The following NBAS variants were observed in gnomAD, a reference collection of about 807,000 sequenced individuals.
NBAS encodes the protein NAG/BC035112 fusion.
A neutral mutation model predicts 302.5 loss-of-function variants in NBAS; 219 were observed. The observed-to-expected ratio is 0.72, with a 90% CI of 0.65 to 0.81. NBAS has a LOEUF of 0.81. NBAS is among the 30% of genes least tolerant of loss of function. NBAS has a pLI of 0.00. For synonymous variants in NBAS, 1,118 were observed against 1,021.6 expected, an observed-to-expected ratio of 1.09 and a Z score of -1.80; for missense variants, 2,932 against 2,841.6, an observed-to-expected ratio of 1.03 and a Z score of -0.72.
At chr2:15,345,621 C>T (rs1468448315) in intron 35 of NBAS, among the ~76,000 whole-genome samples, 1 of 152,134 alleles carries the variant, frequency 6.6e-6, no homozygotes, top group African/African-American at 2.4e-5. Context: ...CATCAAACTA[C>T]CACTGACATT....
intron 27 of NBAS, among the ~76,000 whole-genome samples, 168 bp from the exon 28 acceptor site, chr2:15,394,517 C>A (rs572396385): frequency 5.9e-5 from 9 of 151,918 alleles, no homozygotes; most frequent in African/African-American, 2.2e-4. Context: ...GAAAAAAAAT[C>A]GAATAATTAA....
chr2:14,959,900 T>C, the NBAS span, among the ~76,000 whole-genome samples: 2 of 152,236 alleles, frequency 1.3e-5, no homozygotes, highest in Non-Finnish European at 2.9e-5. Context: ...GGAATTTCTA[T>C]CATTTCCTTT....
intron 12 of NBAS, among the ~76,000 whole-genome samples, chr2:15,478,759 A>T (rs1680300456): frequency 6.6e-6 from 1 of 151,420 alleles, no homozygotes; most frequent in African/African-American, 2.4e-5. Flanking sequence ...TTTACCAGGT[A>T]AAAAAAATAT....
chr2:14,978,156 C>A, the NBAS span, among the ~76,000 whole-genome samples: 2 of 152,150 alleles, frequency 1.3e-5, no homozygotes, highest in African/African-American at 4.8e-5. Flanking sequence ...TCCACGTATT[C>A]CTTTAATGCT....
chr2:15,128,742 A>G, the NBAS span, among the ~76,000 whole-genome samples: 1,244 of 152,304 alleles, frequency 8.2e-3, 12 homozygotes, highest in African/African-American at 0.029. Context: ...CTGGGGACAC[A>G]TTGGAGAGGA....
chr2:14,859,658 G>C, the NBAS span, among the ~76,000 whole-genome samples: 1 of 152,016 alleles, frequency 6.6e-6, no homozygotes, highest in East Asian at 1.9e-4. Context: ...CTAGCCTCCT[G>C]TCTCTCACAA....
At chr2:15,031,920 T>C in the NBAS span, among the ~76,000 whole-genome samples, 1 of 152,162 alleles carries the variant, frequency 6.6e-6, no homozygotes, top group Non-Finnish European at 1.5e-5. Flanking sequence ...GCTGGAAGAA[T>C]GTAGAAGTGT....
chr2:15,327,668 CTCTTGT>C, intron 38 of NBAS, 76 bp downstream of exon 38: 1 of 1,551,502 alleles, frequency 6.4e-7, no homozygotes, highest in East Asian at 2.3e-5. Context: ...CTTTTCCAAA[CTCTTGT>C]TCATTCACAA....
At chr2:15,061,559 TCACAGGG>T in the NBAS span, among the ~76,000 whole-genome samples, 1 of 152,294 alleles carries the variant, frequency 6.6e-6, no homozygotes, top group East Asian at 1.9e-4. Flanking sequence ...GTCATCAAGG[TCACAGGG>T]CACATACATG....
chr2:14,891,339 T>G, the NBAS span, among the ~76,000 whole-genome samples: 2 of 152,162 alleles, frequency 1.3e-5, no homozygotes, highest in African/African-American at 4.8e-5. Flanking sequence ...ATGTTTGATT[T>G]TTTTTTTGCT....
At chr2:15,091,932 A>G in the NBAS span, among the ~76,000 whole-genome samples, 1 of 152,334 alleles carries the variant, frequency 6.6e-6, no homozygotes, top group Non-Finnish European at 1.5e-5. Context: ...GTGTTAAAAG[A>G]CTGCTTATGT....
the NBAS span, among the ~76,000 whole-genome samples, chr2:15,067,993 G>C: frequency 6.6e-6 from 1 of 152,206 alleles, no homozygotes; most frequent in Non-Finnish European, 1.5e-5. Context: ...AGTGTGCTTA[G>C]CCTCTAAGTT....
the NBAS span, among the ~76,000 whole-genome samples, chr2:14,883,315 G>A: frequency 2.8e-4 from 43 of 152,246 alleles, 1 homozygote; most frequent in Middle Eastern, 3.4e-3. Flanking sequence ...GTAAGTGTAT[G>A]CCCTTTAGTA....
the NBAS span, among the ~76,000 whole-genome samples, chr2:14,866,591 T>G: frequency 6.6e-6 from 1 of 152,164 alleles, no homozygotes; most frequent in Non-Finnish European, 1.5e-5. Context: ...TGACATGGAA[T>G]GAGTATGAGT....
the NBAS span, among the ~76,000 whole-genome samples, chr2:15,077,927 C>T: frequency 6.6e-6 from 1 of 152,010 alleles, no homozygotes; most frequent in Non-Finnish European, 1.5e-5. Flanking sequence ...TGTGATCTGC[C>T]CGCCTCAGCC....
the NBAS span, among the ~76,000 whole-genome samples, chr2:14,800,509 G>A: frequency 1.3e-5 from 2 of 152,192 alleles, no homozygotes; most frequent in Non-Finnish European, 2.9e-5. Flanking sequence ...CAGTGTGAAA[G>A]TGGACTAATA....
chr2:15,221,459 C>T (rs570322555), intron 47 of NBAS, among the ~76,000 whole-genome samples: 2 of 152,206 alleles, frequency 1.3e-5, no homozygotes, highest in Admixed American at 1.3e-4. Context: ...CATCAAAGCA[C>T]TATAGTTTGT....
intron 16 of NBAS, among the ~76,000 whole-genome samples, chr2:15,471,182 G>T (rs1396219283): frequency 1.3e-5 from 2 of 152,040 alleles, no homozygotes; most frequent in African/African-American, 4.8e-5. Flanking sequence ...CCCAGAAAAA[G>T]ATATACATGA....
chr2:14,919,659 C>T, the NBAS span, among the ~76,000 whole-genome samples: 2 of 151,932 alleles, frequency 1.3e-5, no homozygotes, highest in Non-Finnish European at 2.9e-5. Context: ...TAATCTAAAT[C>T]CTTTCTAGTC....
Sources: allele counts gnomAD v4.1 joint callset (sites outside exome capture counted in the v4.1 genomes callset), GRCh38; gene constraint gnomAD v4.1.1; transcripts MANE v1.5; gene names NCBI Gene and HGNC (gene_info 2026-07-23, HGNC 2026-07-21).